The following ABI3BP variants were observed in gnomAD, a reference collection of about 807,000 sequenced individuals.
ABI3BP encodes target of Nesh-SH3.
In ABI3BP, 216 loss-of-function variants were observed where a neutral mutation model predicts 268.6. That is an observed-to-expected ratio of 0.80 (90% CI 0.72 to 0.90). The LOEUF (loss-of-function observed/expected upper bound fraction) is 0.90, where lower values mean the gene tolerates loss of function less well. Ranked by LOEUF, ABI3BP falls within the 40% of genes least tolerant of loss-of-function variation. The probability of loss-of-function intolerance (pLI) is 0.00; values close to 1 mark genes in which losing one functional copy is unlikely to be tolerated. For synonymous variants in ABI3BP, 730 were observed against 730.0 expected (o/e 1.00, Z 0.00); for missense variants, 2,090 against 2,182.4 (o/e 0.96, Z 0.84).
At chr3:100,991,774 T>TG (rs1562364556) in intron 1 of ABI3BP, among the ~76,000 whole-genome samples, 1 of 152,148 alleles carries the variant, frequency 6.6e-6, no homozygotes, top group African/African-American at 2.4e-5. Flanking sequence ...TCGACAACTA[T>TG]GTTTTTTTTT....
At chr3:100,933,632 A>AATAC (rs138370585) in intron 1 of ABI3BP, among the ~76,000 whole-genome samples, 2 of 146,380 alleles carry the variant, frequency 1.4e-5, no homozygotes, top group African/African-American at 5.0e-5. Flanking sequence ...CAATATTTGC[A>AATAC]ATATATATAT....
Position 100,835,608 on chromosome 3 carries a change from T to C in ABI3BP, c.2184A>G (p.Thr728=). 2 of 1,534,790 alleles carry C rather than the reference T, an allele frequency of 1.3e-6. No homozygotes were observed. The highest frequency in any genetic ancestry group is 1.7e-6 in the Non-Finnish European group (2 of 1,145,910). ...PVTVRTEATV[T]TLAPKTSQRT... is the part of the protein sequence containing the mutation. ...GACATAAGAGGTCATTACCTAATGT[T>C]GTCACTGTAGCCTCAGTTCTCACAG... The change falls in exon 28 of 68, where the codon ACA becomes ACG. Residue 728 remains threonine (T), a synonymous_variant. Coordinates refer to ENST00000471714, the MANE Select transcript of ABI3BP (RefSeq NM_001375547.2).
At chr3:100,849,431 C>T (rs1319532352) in intron 17 of ABI3BP, among the ~76,000 whole-genome samples, 5 of 151,920 alleles carry the variant, frequency 3.3e-5, no homozygotes, top group Non-Finnish European at 7.4e-5. Flanking sequence ...ACCATTTTGG[C>T]CATGCTGGTC....
intron 56 of ABI3BP, among the ~76,000 whole-genome samples, chr3:100,788,187 G>A (rs1197310048): frequency 6.6e-6 from 1 of 152,068 alleles, no homozygotes; most frequent in Non-Finnish European, 1.5e-5. Flanking sequence ...ATTTGTCAAG[G>A]CCTCCATTCA....
chr3:100,830,145 AT>A (rs1431163783), intron 32 of ABI3BP, among the ~76,000 whole-genome samples: 14 of 66,182 alleles, frequency 2.1e-4, no homozygotes, highest in African/African-American at 3.9e-4. Context: ...ATATATATAT[AT>A]ATATATATAT....
chr3:100,865,293 C>A (rs973057987), intron 10 of ABI3BP, among the ~76,000 whole-genome samples: 3 of 152,038 alleles, frequency 2.0e-5, no homozygotes, highest in African/African-American at 7.2e-5. Context: ...GAAGGATAAT[C>A]AAGATAATAG....
At chr3:100,837,027 G>A in intron 27 of ABI3BP, 97 bp downstream of exon 27, 1 of 1,192,178 alleles carries the variant, frequency 8.4e-7, no homozygotes, top group Non-Finnish European at 1.1e-6. Context: ...AAACAAAAAT[G>A]GTGAATGACA....
intron 4 of ABI3BP, among the ~76,000 whole-genome samples, chr3:100,890,892 C>G (rs2044310681): frequency 6.6e-6 from 1 of 152,120 alleles, no homozygotes; most frequent in South Asian, 2.1e-4. Flanking sequence ...GAATTCTCTT[C>G]CACTTGCCTC....
chr3:100,828,579 C>A (rs2098430883), intron 33 of ABI3BP, 127 bp from the exon 34 acceptor site: 2 of 765,944 alleles, frequency 2.6e-6, no homozygotes. Context: ...ACACAATTAG[C>A]CTCCTGAGCT....
At position 100,958,336 on chromosome 3, in the gene ABI3BP, C is replaced by T. The variant is rs1181092100; in HGVS notation, c.80-31855G>A. On this transcript the variant is annotated intron_variant, in intron 1 of 67. Coordinates refer to ENST00000471714, the MANE Select transcript of ABI3BP (RefSeq NM_001375547.2). ...TGGAGAGACAAAGCAACAGTTTGAA[C>T]AAGTATTTCCTTTGCTGCCTTGCTT... Among the ~76,000 whole-genome samples, 4 of 152,162 alleles carry T rather than the reference C, an allele frequency of 2.6e-5. 1 individual carries two copies. Among genetic ancestry groups the T allele is most frequent in the Non-Finnish European group, 5.9e-5 (4 of 68,034 alleles).
intron 1 of ABI3BP, chr3:100,945,472 C>T (rs1479395157): frequency 8.2e-6 from 2 of 242,906 alleles, no homozygotes; most frequent in African/African-American, 4.6e-5. Flanking sequence ...TACTCTAAAA[C>T]ATTCCATTTT....
At chr3:100,888,903 A>G (rs1478308277) in intron 4 of ABI3BP, among the ~76,000 whole-genome samples, 1 of 151,298 alleles carries the variant, frequency 6.6e-6, no homozygotes, top group Admixed American at 6.6e-5. Flanking sequence ...AAAACAAAAT[A>G]TAGGTCTTAT....
chr3:100,751,328 G>A (rs1373886293), intron 67 of ABI3BP, among the ~76,000 whole-genome samples: 2 of 152,130 alleles, frequency 1.3e-5, no homozygotes, highest in Non-Finnish European at 1.5e-5. Flanking sequence ...GTTTTTGCAA[G>A]TTTAGAGTTT....
At chr3:100,754,811 G>A in intron 63 of ABI3BP, 120 bp from the exon 64 acceptor site, 1 of 801,048 alleles carries the variant, frequency 1.2e-6, no homozygotes, top group Non-Finnish European at 2.1e-6. Flanking sequence ...ACAGTGAATG[G>A]TAACATATGT....
chr3:100,850,591 A>T (rs1304993935), intron 16 of ABI3BP, 69 bp downstream of exon 16: 2 of 1,144,242 alleles, frequency 1.7e-6, no homozygotes, highest in Admixed American at 3.5e-5. Context: ...GTCATTTGGA[A>T]GAAAGGCATT....
chr3:100,853,646 G>T (rs2098895482), intron 14 of ABI3BP, among the ~76,000 whole-genome samples: 1 of 152,130 alleles, frequency 6.6e-6, no homozygotes, highest in Non-Finnish European at 1.5e-5. Context: ...TCCAAAAGAT[G>T]ATATTTATTC....
At position 100,861,813 on chromosome 3, in the gene ABI3BP, A is replaced by G. The variant is rs2099001978; in HGVS notation, c.1285+498T>C. On this transcript the variant is annotated intron_variant, in intron 14 of 67. Transcript: ENST00000471714. ...AGAGCGAGGCCTGGAACCAAGGTCT[A>G]TTATCAACCGCAAGGACCTGTGGTC... Among the ~76,000 whole-genome samples the G allele has an allele frequency of 2.0e-5, 3 of 152,180 alleles. No homozygotes were observed. The South Asian group carries it at 6.2e-4, about 31-fold the overall frequency.
chr3:100,843,083 G>A (rs1311687782), intron 20 of ABI3BP, among the ~76,000 whole-genome samples: 2 of 152,104 alleles, frequency 1.3e-5, no homozygotes, highest in African/African-American at 2.4e-5. Context: ...TTTCTATGTA[G>A]CAACTAACAA....
chr3:100,971,963 A>T (rs2083799945), intron 1 of ABI3BP, among the ~76,000 whole-genome samples: 1 of 152,162 alleles, frequency 6.6e-6, no homozygotes, highest in African/African-American at 2.4e-5. Flanking sequence ...AATCACAGAA[A>T]TGCGGGCTGA....
Sources: allele counts gnomAD v4.1 joint callset (sites outside exome capture counted in the v4.1 genomes callset), GRCh38; gene constraint gnomAD v4.1.1; transcripts MANE v1.5; gene names NCBI Gene and HGNC (gene_info 2026-07-23, HGNC 2026-07-21).